Variants in EGLN1 observed in about 807,000 individuals in gnomAD.
The protein encoded by EGLN1 is egl-9 family hypoxia inducible factor 1, also known as egl nine homolog 1.
EGLN1 carries 17 observed loss-of-function variants against 38.3 expected under a neutral mutation model. The ratio of observed to expected loss-of-function variants is 0.44; its 90% CI spans 0.30 to 0.67. The LOEUF (loss-of-function observed/expected upper bound fraction) is 0.67. EGLN1 is among the 30% of genes least tolerant of loss of function. The pLI, the probability that EGLN1 is intolerant of heterozygous loss-of-function variation, is 0.08. For synonymous variants in EGLN1, 283 were observed against 257.5 expected, an observed-to-expected ratio of 1.10 and a Z score of -0.95; for missense variants, 477 against 603.3, an observed-to-expected ratio of 0.79 and a Z score of 2.19.
intron 1 of EGLN1, among the ~76,000 whole-genome samples, chr1:231,396,088 C>T (rs1688521382): frequency 1.3e-5 from 2 of 151,380 alleles, no homozygotes; most frequent in South Asian, 4.2e-4. Flanking sequence ...CCTAATTAAC[C>T]CTCTCTATAG....
In EGLN1 at chr1:231,364,379, T is replaced by C. The variant is rs1364614194; in HGVS notation, c.*2032A>G. On this transcript the variant is annotated 3_prime_UTR_variant, in exon 5 of 5. Transcript: ENST00000366641. ...TGGCCTAACGCCGCGCACTGTACTA[T>C]AGACCAGATGGCAAAGACAACTTGC... is the stretch of plus-strand genomic sequence containing the variant. 3 of 152,230 alleles carry C rather than the reference T, an allele frequency of 2.0e-5. No individual in the cohort carries two copies. The highest frequency in any genetic ancestry group is 1.9e-4 in the East Asian group (1 of 5,198). 9.4% of individuals were successfully genotyped at this position (152,230 alleles called of 1,614,324 possible).
intron 2 of EGLN1, among the ~76,000 whole-genome samples, chr1:231,372,643 G>C (rs1321049375): frequency 6.6e-6 from 1 of 152,172 alleles, no homozygotes; most frequent in African/African-American, 2.4e-5. Context: ...AACTTTGAAA[G>C]CTGTAACAGA....
chr1:231,416,703 G>A (rs114315268), intron 1 of EGLN1, among the ~76,000 whole-genome samples: 9 of 152,110 alleles, frequency 5.9e-5, no homozygotes, highest in East Asian at 5.8e-4. Context: ...AATTCCTTTC[G>A]AACTAAAGGA....
intron 1 of EGLN1, among the ~76,000 whole-genome samples, chr1:231,400,049 G>T (rs1688625617): frequency 6.6e-6 from 1 of 152,030 alleles, no homozygotes. Context: ...TAATCTATAG[G>T]GTTAAAACTA....
chr1:231,390,294 C>T (rs1572032854), intron 1 of EGLN1, among the ~76,000 whole-genome samples: 1 of 152,188 alleles, frequency 6.6e-6, no homozygotes, highest in South Asian at 2.1e-4. Flanking sequence ...TCACTATCTA[C>T]CTCACAGGGG....
Position 231,366,321 on chromosome 1 carries a change from A to G in EGLN1, c.*90T>C. ...TTATTAAAATGCGAACTGGTTGTCT[A>G]TTTTTCTTTATCCCATTTATTCGTA... On this transcript the variant is annotated 3_prime_UTR_variant, in exon 5 of 5. Coordinates refer to ENST00000366641, the MANE Select transcript of EGLN1 (RefSeq NM_022051.3). The G allele has an allele frequency of 7.0e-7, 1 of 1,437,164 alleles. No individual in the cohort carries two copies. Among genetic ancestry groups the G allele is most frequent in the Admixed American group, 1.8e-5 (1 of 56,980 alleles). 89.0% of individuals were successfully genotyped at this position (1,437,164 alleles called of 1,614,324 possible). A position where few individuals can be genotyped will look rare whatever the true frequency, so the allele number is the denominator to read the frequency against.
At chr1:231,389,892 G>A (rs955824267) in intron 1 of EGLN1, among the ~76,000 whole-genome samples, 1 of 152,096 alleles carries the variant, frequency 6.6e-6, no homozygotes, top group Non-Finnish European at 1.5e-5. Flanking sequence ...AGGTTGCAGT[G>A]AACTGAGATA....
At chr1:231,386,959 G>C (rs527339413) in intron 1 of EGLN1, among the ~76,000 whole-genome samples, 108 of 152,086 alleles carry the variant, frequency 7.1e-4, no homozygotes, top group African/African-American at 2.5e-3. Context: ...CTCCTGAGTG[G>C]GAGTAATCCT....
intron 1 of EGLN1, among the ~76,000 whole-genome samples, chr1:231,408,114 GAGA>G (rs1487687721): frequency 6.6e-6 from 1 of 152,174 alleles, no homozygotes; most frequent in Non-Finnish European, 1.5e-5. Context: ...CAGATTTCTA[GAGA>G]AGATAATTTG....
chr1:231,415,785 T>C (rs1394444573), intron 1 of EGLN1, among the ~76,000 whole-genome samples: 1 of 151,712 alleles, frequency 6.6e-6, no homozygotes, highest in African/African-American at 2.4e-5. Flanking sequence ...GGACTAAGGA[T>C]ACAGAAACCA....
At chr1:231,386,409 G>A (rs1002461338) in intron 1 of EGLN1, among the ~76,000 whole-genome samples, 5 of 152,176 alleles carry the variant, frequency 3.3e-5, no homozygotes, top group Non-Finnish European at 7.3e-5. Flanking sequence ...ACCACTGCGG[G>A]AGAGTGTGGT....
At chr1:231,409,809 C>T (rs1429502836) in intron 1 of EGLN1, among the ~76,000 whole-genome samples, 1 of 152,132 alleles carries the variant, frequency 6.6e-6, no homozygotes, top group East Asian at 1.9e-4. Context: ...TCTCACCTGT[C>T]CTCAAATAGA....
intron 1 of EGLN1, among the ~76,000 whole-genome samples, chr1:231,402,065 A>C (rs753319771): frequency 2.6e-5 from 4 of 152,172 alleles, no homozygotes; most frequent in Non-Finnish European, 5.9e-5. Context: ...CTGGTAACCA[A>C]TGATGTTGAG....
intron 1 of EGLN1, among the ~76,000 whole-genome samples, chr1:231,390,029 G>A (rs886615405): frequency 6.6e-6 from 1 of 152,134 alleles, no homozygotes; most frequent in African/African-American, 2.4e-5. Context: ...TGAAGCACAC[G>A]ACTCTGCCAC....
chr1:231,417,769 A>T (rs1158434365), intron 1 of EGLN1, among the ~76,000 whole-genome samples: 1 of 152,204 alleles, frequency 6.6e-6, no homozygotes, highest in Non-Finnish European at 1.5e-5. Context: ...AACAGCGGCC[A>T]GATAAGCATG....
At chr1:231,386,127 T>C (rs926819253) in intron 1 of EGLN1, among the ~76,000 whole-genome samples, 4 of 151,872 alleles carry the variant, frequency 2.6e-5, no homozygotes, top group Admixed American at 2.0e-4. Flanking sequence ...GTTTTTTTTT[T>C]CAATAATAGC....
At chr1:231,368,888 T>TTCCA in intron 3 of EGLN1, among the ~76,000 whole-genome samples, 1 of 152,112 alleles carries the variant, frequency 6.6e-6, no homozygotes, top group East Asian at 1.9e-4. Flanking sequence ...CTTTCCAGAG[T>TTCCA]TCCACTACCT....
rs936951875 is a variant in EGLN1, at chr1:231,366,155, T to G, written c.*256A>C. ...TTCTACACAGGGCACTTATTTCATATCCAGATGTAAAAACCATTTTCAATT... is the reference window on the plus strand; with the variant it reads ...TTCTACACAGGGCACTTATTTCATAGCCAGATGTAAAAACCATTTTCAATT... On this transcript the variant is annotated 3_prime_UTR_variant, in exon 5 of 5. Transcript: ENST00000366641. 1 of 540,546 alleles carries G rather than the reference T, an allele frequency of 1.8e-6. No individual in the cohort carries two copies. Among genetic ancestry groups the G allele is most frequent in the Non-Finnish European group, 3.3e-6 (1 of 305,342 alleles). 33.5% of individuals were successfully genotyped at this position (540,546 alleles called of 1,614,324 possible). A position where few individuals can be genotyped will look rare whatever the true frequency, so the allele number is the denominator to read the frequency against.
intron 1 of EGLN1, among the ~76,000 whole-genome samples, chr1:231,405,402 C>G (rs1457766885): frequency 6.6e-6 from 1 of 152,096 alleles, no homozygotes; most frequent in African/African-American, 2.4e-5. Flanking sequence ...TGGTCTCGAT[C>G]TCCTGACCTC....
Sources: allele counts gnomAD v4.1 joint callset (sites outside exome capture counted in the v4.1 genomes callset), GRCh38; gene constraint gnomAD v4.1.1; transcripts MANE v1.5; gene names NCBI Gene and HGNC (gene_info 2026-07-23, HGNC 2026-07-21).